SLC28A1: variants seen among roughly 807,000 people sequenced by gnomAD.
The protein encoded by SLC28A1 is solute carrier family 28 member 1.
In SLC28A1, 64 loss-of-function variants were observed where a neutral mutation model predicts 74.8. The observed-to-expected ratio is 0.86, with a 90% CI of 0.70 to 1.05. The LOEUF is 1.05. SLC28A1 is among the 50% of genes least tolerant of loss of function. The pLI, the probability that SLC28A1 is intolerant of heterozygous loss-of-function variation, is 0.00. For synonymous variants in SLC28A1, 359 were observed against 335.0 expected, an observed-to-expected ratio of 1.07 and a Z score of -0.78; for missense variants, 828 against 822.8, an observed-to-expected ratio of 1.01 and a Z score of -0.08.
chr15:84,892,182 T>C (rs1965440200), intron 5 of SLC28A1, among the ~76,000 whole-genome samples: 1 of 151,888 alleles, frequency 6.6e-6, no homozygotes, highest in Admixed American at 6.6e-5. Context: ...AGACCCCACC[T>C]CTACAAAAAA....
intron 12 of SLC28A1, 79 bp downstream of exon 12, chr15:84,924,189 C>A: frequency 6.7e-7 from 1 of 1,481,956 alleles, no homozygotes; most frequent in Non-Finnish European, 9.3e-7. Context: ...CAGCTCCTGG[C>A]CAGAGCAGCC....
chr15:84,967,335 C>T, the SLC28A1 span, among the ~76,000 whole-genome samples: 1 of 152,172 alleles, frequency 6.6e-6, no homozygotes, highest in African/African-American at 2.4e-5. Context: ...TTCTACCCCC[C>T]ACCTCACCAA....
At chr15:84,951,541 C>T in the SLC28A1 span, among the ~76,000 whole-genome samples, 1 of 151,816 alleles carries the variant, frequency 6.6e-6, no homozygotes. Flanking sequence ...GTTTCTATCT[C>T]CTTTATGTTA....
chr15:84,908,314 G>A (rs1967573724), intron 8 of SLC28A1, among the ~76,000 whole-genome samples: 1 of 149,984 alleles, frequency 6.7e-6, no homozygotes, highest in African/African-American at 2.5e-5. Context: ...CTCCCAAGTA[G>A]CTGGGATTAC....
intron 5 of SLC28A1, among the ~76,000 whole-genome samples, chr15:84,893,070 C>T (rs1018756916): frequency 4.0e-5 from 6 of 151,738 alleles, no homozygotes; most frequent in Admixed American, 2.0e-4. Flanking sequence ...CCTGCCCAGA[C>T]CCCCCCAGCC....
At chr15:84,953,449 C>T in the SLC28A1 span, among the ~76,000 whole-genome samples, 1 of 152,168 alleles carries the variant, frequency 6.6e-6, no homozygotes, top group Non-Finnish European at 1.5e-5. Flanking sequence ...AGTGGAAAGC[C>T]TGAGCCAGGT....
At chr15:84,906,676 G>A (rs186969323) in intron 8 of SLC28A1, among the ~76,000 whole-genome samples, 49 of 128,976 alleles carry the variant, frequency 3.8e-4, no homozygotes, top group African/African-American at 1.4e-3. Flanking sequence ...TAGGTACAGG[G>A]TCTCCCTATG....
At chr15:84,937,140 GT>G (rs564640768) in intron 15 of SLC28A1, among the ~76,000 whole-genome samples, 206 of 145,084 alleles carry the variant, frequency 1.4e-3, no homozygotes, top group African/African-American at 4.7e-3. Flanking sequence ...TTGTTTTTTT[GT>G]TTTTTTTTTT....
At chr15:84,963,532 A>G in the SLC28A1 span, among the ~76,000 whole-genome samples, 5 of 152,194 alleles carry the variant, frequency 3.3e-5, no homozygotes, top group Non-Finnish European at 5.9e-5. Flanking sequence ...ACCCTTTCAC[A>G]AAGTGGCCCA....
intron 15 of SLC28A1, among the ~76,000 whole-genome samples, chr15:84,939,194 C>T (rs1647152822): frequency 1.3e-5 from 2 of 152,124 alleles, no homozygotes; most frequent in African/African-American, 4.8e-5. Flanking sequence ...GTGGTGCACG[C>T]CTGTGGTCTC....
intron 4 of SLC28A1, among the ~76,000 whole-genome samples, chr15:84,889,386 C>T (rs1220387508): frequency 5.9e-5 from 9 of 152,030 alleles, no homozygotes; most frequent in African/African-American, 1.7e-4. Context: ...CTGAGGACAC[C>T]GTGATGGGCA....
chr15:84,969,838 T>C, the SLC28A1 span, among the ~76,000 whole-genome samples: 1 of 152,216 alleles, frequency 6.6e-6, no homozygotes, highest in Admixed American at 6.5e-5. Flanking sequence ...ATGTATGGCA[T>C]AGCCTTCAAT....
chr15:84,918,486 G>C, intron 9 of SLC28A1, 38 bp from the exon 10 acceptor site: 1 of 1,557,566 alleles, frequency 6.4e-7, no homozygotes, highest in Non-Finnish European at 8.9e-7. Flanking sequence ...CATCCTGCCT[G>C]CCTCTAACCT....
intron 12 of SLC28A1, among the ~76,000 whole-genome samples, chr15:84,930,614 C>CTTTTTTTT (rs10609233): frequency 9.7e-6 from 1 of 103,502 alleles, no homozygotes. Context: ...CTGCCCTCTG[C>CTTTTTTTT]TTTTTTTTTT....
At chr15:84,927,907 T>C (rs1031204991) in intron 12 of SLC28A1, among the ~76,000 whole-genome samples, 5 of 350 alleles carry the variant, frequency 0.014, no homozygotes, top group African/African-American at 0.043. Flanking sequence ...TGGCAGGATA[T>C]TGGGGGAGGG....
intron 12 of SLC28A1, among the ~76,000 whole-genome samples, chr15:84,925,740 G>A: frequency 6.6e-6 from 1 of 151,864 alleles, no homozygotes; most frequent in East Asian, 1.9e-4. Context: ...AGGCTTTTAG[G>A]TATATACACC....
the SLC28A1 span, among the ~76,000 whole-genome samples, chr15:84,951,090 G>C: frequency 6.6e-6 from 1 of 152,194 alleles, no homozygotes; most frequent in East Asian, 1.9e-4. Flanking sequence ...TTGGAATGCA[G>C]ATGGGAAGGT....
the SLC28A1 span, among the ~76,000 whole-genome samples, chr15:84,962,180 T>G: frequency 6.6e-6 from 1 of 152,180 alleles, no homozygotes; most frequent in African/African-American, 2.4e-5. Flanking sequence ...GCTCAGGTGA[T>G]CCTCCCGCCT....
the SLC28A1 span, among the ~76,000 whole-genome samples, chr15:84,971,012 T>C: frequency 2.6e-5 from 4 of 152,222 alleles, no homozygotes; most frequent in Non-Finnish European, 5.9e-5. Flanking sequence ...AGTGCTCTCC[T>C]GGCCGGCTGC....
Sources: gnomAD v4.1 joint callset for allele counts (sites outside exome capture counted in the v4.1 genomes callset) on GRCh38, gnomAD v4.1.1 for gene constraint, MANE v1.5 for transcripts, NCBI Gene and HGNC (gene_info 2026-07-23, HGNC 2026-07-21) for gene names.